CSMD3: variants seen among roughly 807,000 people sequenced by gnomAD.
CSMD3 encodes CUB and sushi domain-containing protein 3.
CSMD3 carries 177 observed loss-of-function variants against 435.2 expected under a neutral mutation model. That is an observed-to-expected ratio of 0.41 (90% CI 0.36 to 0.46). CSMD3 has a LOEUF of 0.46. Among genes scored for constraint, CSMD3 ranks in the 20% least tolerant of loss-of-function variants. The pLI is 0.34. For synonymous variants in CSMD3, 1,656 were observed against 1,520.5 expected (o/e 1.09, Z -2.07); for missense variants, 4,265 against 4,504.6 (o/e 0.95, Z 1.52).
At chr8:112,496,204 C>T (rs142512931) in intron 30 of CSMD3, among the ~76,000 whole-genome samples, 2,808 of 152,208 alleles carry the variant, frequency 0.018, 40 homozygotes, top group Non-Finnish European at 0.027. Flanking sequence ...CTCCTGACCT[C>T]ATGATCCACC....
At chr8:113,187,044 T>A (rs765640295) in intron 3 of CSMD3, among the ~76,000 whole-genome samples, 1 of 151,940 alleles carries the variant, frequency 6.6e-6, no homozygotes, top group Non-Finnish European at 1.5e-5. Flanking sequence ...TAGGGGGATA[T>A]CAGTTATATA....
At chr8:112,603,143 G>A (rs774158739) in intron 22 of CSMD3, among the ~76,000 whole-genome samples, 15 of 152,226 alleles carry the variant, frequency 9.9e-5, no homozygotes, top group Admixed American at 3.3e-4. Flanking sequence ...CTCTCAAAGT[G>A]TCGGGATTGC....
intron 2 of CSMD3, among the ~76,000 whole-genome samples, chr8:113,298,235 T>C (rs187698920): frequency 1.8e-4 from 28 of 152,190 alleles, no homozygotes; most frequent in African/African-American, 6.0e-4. Context: ...TCCCCCATGA[T>C]TTTTATTTAT....
At chr8:112,605,833 G>A (rs1832750760) in intron 22 of CSMD3, among the ~76,000 whole-genome samples, 1 of 152,020 alleles carries the variant, frequency 6.6e-6, no homozygotes, top group Admixed American at 6.6e-5. Context: ...TTACACAAAT[G>A]TAATCTTAAT....
intron 10 of CSMD3, among the ~76,000 whole-genome samples, chr8:112,899,597 TTTTATATA>T (rs1156441444): frequency 8.5e-5 from 5 of 58,942 alleles, no homozygotes; most frequent in Non-Finnish European, 1.4e-4. Context: ...TGCTTGTCTA[TTTTATATA>T]TATATATATA....
intron 38 of CSMD3, among the ~76,000 whole-genome samples, chr8:112,365,617 T>A (rs1257326017): frequency 1.3e-5 from 2 of 151,938 alleles, no homozygotes; most frequent in African/African-American, 2.4e-5. Context: ...TCTGCAAAAA[T>A]TACATGAAGA....
intron 5 of CSMD3, among the ~76,000 whole-genome samples, chr8:113,037,873 G>C (rs1047639348): frequency 1.3e-5 from 2 of 152,104 alleles, no homozygotes; most frequent in African/African-American, 4.8e-5. Flanking sequence ...GAATAATTTT[G>C]AAGATAATAT....
chr8:113,074,836 A>C (rs2089274297), intron 5 of CSMD3, among the ~76,000 whole-genome samples: 1 of 151,850 alleles, frequency 6.6e-6, no homozygotes, highest in Non-Finnish European at 1.5e-5. Flanking sequence ...TGTTTTCTAC[A>C]GTTTATGGCT....
At chr8:112,233,539 C>A (rs1332537992) in intron 68 of CSMD3, among the ~76,000 whole-genome samples, 2 of 152,000 alleles carry the variant, frequency 1.3e-5, no homozygotes, top group Non-Finnish European at 2.9e-5. Flanking sequence ...TTTTTTTCCT[C>A]AGGAACCAAA....
rs980484509 is a variant in CSMD3 at position 112,224,286 on chromosome 8, A to G, written c.*485T>C. On this transcript the variant is annotated 3_prime_UTR_variant, in exon 71 of 71. Transcript: ENST00000297405. Reference sequence around the variant, plus strand: ...TAAAGAAAACAATGCCTCATTTAACAAGAATGAATGGCAGATAGAGTGGTA... The same window carrying G: ...TAAAGAAAACAATGCCTCATTTAACGAGAATGAATGGCAGATAGAGTGGTA... 3.1e-5 allele frequency: 5 copies of G among 161,040 alleles called. No individual in the cohort carries two copies. Among genetic ancestry groups the G allele is most frequent in the Admixed American group, 1.8e-4 (3 of 16,826 alleles). 10.0% of individuals were successfully genotyped at this position (161,040 alleles called of 1,614,324 possible).
chr8:112,657,314 T>G (rs1170924363), intron 17 of CSMD3, among the ~76,000 whole-genome samples: 1 of 152,042 alleles, frequency 6.6e-6, no homozygotes, highest in East Asian at 1.9e-4. Context: ...CCACCTGTCT[T>G]GGCCTCCCAA....
intron 66 of CSMD3, among the ~76,000 whole-genome samples, chr8:112,239,128 G>A (rs1327941195): frequency 6.6e-6 from 1 of 152,008 alleles, no homozygotes; most frequent in Non-Finnish European, 1.5e-5. Flanking sequence ...AACCAATCTA[G>A]TTGTTTCTGT....
chr8:113,358,126 A>G (rs1417781142), intron 1 of CSMD3, among the ~76,000 whole-genome samples: 1 of 152,216 alleles, frequency 6.6e-6, no homozygotes, highest in African/African-American at 2.4e-5. Context: ...CCAATATAAT[A>G]TTGTAATGTG....
intron 3 of CSMD3, among the ~76,000 whole-genome samples, chr8:113,203,234 G>A (rs995239010): frequency 2.0e-5 from 3 of 152,072 alleles, no homozygotes; most frequent in African/African-American, 4.8e-5. Flanking sequence ...TGTAGCCCAT[G>A]AATATGTACA....
intron 66 of CSMD3, among the ~76,000 whole-genome samples, chr8:112,237,861 C>T (rs543726274): frequency 6.6e-6 from 1 of 152,118 alleles, no homozygotes; most frequent in South Asian, 2.1e-4. Flanking sequence ...CTTCTAATAA[C>T]AGGTGCTCCT....
chr8:112,990,793 C>T (rs918729277), intron 6 of CSMD3, among the ~76,000 whole-genome samples: 6 of 151,834 alleles, frequency 4.0e-5, no homozygotes, highest in African/African-American at 1.4e-4. Flanking sequence ...GCCATGAGAA[C>T]CCATATGGAC....
rs2130079944 is a variant in CSMD3, at chr8:112,409,041, C to G, written c.5396-9G>C. On this transcript the variant is annotated splice_polypyrimidine_tract_variant and intron_variant, in intron 32 of 70. Coordinates refer to ENST00000297405, the MANE Select transcript of CSMD3 (RefSeq NM_198123.2). ...AAACTGGCCAAACACCACTGATCAA[C>G]AGGAACCCGGAGAAGCAAACAAATC... 1 of 1,613,252 alleles carries G rather than the reference C, an allele frequency of 6.2e-7. No homozygotes were observed. Among genetic ancestry groups the G allele is most frequent in the Non-Finnish European group, 8.5e-7 (1 of 1,179,518 alleles).
At position 112,235,950 on chromosome 8, in the gene CSMD3, GA is replaced by G. The variant is rs541024117; in HGVS notation, c.10627+1239del. Among the ~76,000 whole-genome samples, 17 of 151,850 alleles carry G rather than the reference GA, an allele frequency of 1.1e-4. No homozygotes were observed. In the East Asian group the frequency reaches 2.3e-3, roughly 21 times the overall value. ...TTTGGGCTCTTTTATAGAAAATAAAGAAAAACTTTGTTAACACATCAAAGTT... is the reference window on the plus strand; with the variant it reads ...TTTGGGCTCTTTTATAGAAAATAAAGAAAACTTTGTTAACACATCAAAGTT... On this transcript the variant is annotated intron_variant, in intron 67 of 70. Coordinates refer to ENST00000297405, the MANE Select transcript of CSMD3 (RefSeq NM_198123.2).
chr8:112,951,500 A>G (rs1351608755), intron 8 of CSMD3, among the ~76,000 whole-genome samples: 1 of 151,730 alleles, frequency 6.6e-6, no homozygotes. Context: ...AATTAATTTA[A>G]ATTTTTATTT....
Sources: allele counts gnomAD v4.1 joint callset (sites outside exome capture counted in the v4.1 genomes callset), GRCh38; gene constraint gnomAD v4.1.1; transcripts MANE v1.5; gene names NCBI Gene and HGNC (gene_info 2026-07-23, HGNC 2026-07-21).